ZNF236: variants seen among roughly 807,000 people sequenced by gnomAD.
The protein encoded by ZNF236 is zinc finger protein 236.
ZNF236 carries 50 observed loss-of-function variants against 191.2 expected under a neutral mutation model. The ratio of observed to expected loss-of-function variants is 0.26; its 90% confidence interval spans 0.21 to 0.33. ZNF236 has a LOEUF of 0.33. ZNF236 is among the 10% of genes least tolerant of loss of function. ZNF236 has a pLI of 1.00. For missense variants in ZNF236, 1,754 were observed against 2,374.5 expected, an observed-to-expected ratio of 0.74 and a Z score of 5.43; for synonymous variants, 907 against 928.8, an observed-to-expected ratio of 0.98 and a Z score of 0.43.
chr18:76,899,977 C>T (rs776586171), intron 11 of ZNF236, among the ~76,000 whole-genome samples: 1 of 152,144 alleles, frequency 6.6e-6, no homozygotes, highest in Non-Finnish European at 1.5e-5. Context: ...CTGGCTATGT[C>T]CTCCCAAAGG....
intron 1 of ZNF236, chr18:76,824,358 A>T (rs556883029): frequency 3.6e-5 from 28 of 780,978 alleles, no homozygotes; most frequent in Middle Eastern, 2.2e-4. Context: ...CGCACACCTC[A>T]TGGGCCTTTG....
At chr18:76,953,027 CT>C (rs1299421215) in intron 27 of ZNF236, among the ~76,000 whole-genome samples, 2 of 152,170 alleles carry the variant, frequency 1.3e-5, no homozygotes, top group Non-Finnish European at 2.9e-5. Context: ...GAGCAACAGC[CT>C]TTGCTTTTTA....
chr18:76,859,683 T>C (rs1976157359), intron 3 of ZNF236, among the ~76,000 whole-genome samples: 1 of 152,194 alleles, frequency 6.6e-6, no homozygotes. Context: ...ATCTAGTTTC[T>C]GGGTGTTATT....
In ZNF236 at chr18:76,960,787, A is replaced by G. The variant is rs1968648576; in HGVS notation, c.5351A>G (p.Tyr1784Cys). 1.9e-6 allele frequency: 3 copies of G among 1,614,168 alleles called. No individual in the cohort carries two copies. The highest frequency in any genetic ancestry group is 1.7e-6 in the Non-Finnish European group (2 of 1,180,014). ...GGGGAGCGGCCCTACAAGTGTGCCT[A>G]CTGCGTCATGGGCTTCACGCAGAAG... Reference protein sequence around the residue: ...HTGERPYKCAYCVMGFTQKSN... With the variant: ...HTGERPYKCACCVMGFTQKSN... Residue 1784 changes from tyrosine (Y) to cysteine (C), a missense_variant, in exon 30 of 31, where the codon TAC (tyrosine) becomes TGC (cysteine). Coordinates refer to ENST00000320610, the MANE Select transcript of ZNF236 (RefSeq NM_001306089.2). The surrounding 1 kb of genome is among the most constrained non-coding windows in gnomAD (Gnocchi z 4.4).
chr18:76,857,770 C>T (rs1368321696), intron 3 of ZNF236, among the ~76,000 whole-genome samples: 2 of 152,002 alleles, frequency 1.3e-5, no homozygotes, highest in African/African-American at 4.8e-5. Context: ...TTTGTATGTT[C>T]TTATTTTCTT....
chr18:76,894,119 A>C (rs1201726015), intron 9 of ZNF236, among the ~76,000 whole-genome samples: 1 of 152,236 alleles, frequency 6.6e-6, no homozygotes, highest in African/African-American at 2.4e-5. Context: ...CAGATGAATA[A>C]ATCTAATCAA....
At position 76,851,952 on chromosome 18, in the gene ZNF236, A is replaced by G; in HGVS notation, c.363+13A>G. The G allele has an allele frequency of 6.2e-7, 1 of 1,600,438 alleles. No homozygotes were observed. Among genetic ancestry groups the G allele is most frequent in the Non-Finnish European group, 8.5e-7 (1 of 1,172,932 alleles). On this transcript the variant is annotated intron_variant, in intron 3 of 30. Coordinates refer to ENST00000320610, the MANE Select transcript of ZNF236 (RefSeq NM_001306089.2). ...TGAAAAGGAAGAGGTAATCATCATC[A>G]TTTTGCATATACTTTGTTAACTGAT...
Position 76,915,888 on chromosome 18 carries a change from A to G in ZNF236, c.3274+29A>G, listed in dbSNP as rs140487666. ...TTTTCCATTTGTTGATTCAAGGTGT[A>G]TTAACCCGATGCTAATTTAGGAATA... On this transcript the variant is annotated intron_variant, in intron 19 of 30. Coordinates refer to ENST00000320610, the MANE Select transcript of ZNF236 (RefSeq NM_001306089.2). The G allele has an allele frequency of 3.4e-3, 5,424 of 1,590,980 alleles. 15 individuals are homozygous for G. The highest frequency in any genetic ancestry group is 0.012 in the Middle Eastern group (72 of 6,004).
rs184220923 is a variant in ZNF236, at chr18:76,890,353, A to G, written c.1418-4660A>G. 1.7e-3 allele frequency among the ~76,000 whole-genome samples: 261 copies of G among 152,356 alleles called. 1 individual carries two copies. The highest frequency in any genetic ancestry group is 6.0e-3 in the African/African-American group (251 of 41,590). On this transcript the variant is annotated intron_variant, in intron 9 of 30. Coordinates refer to ENST00000320610, the MANE Select transcript of ZNF236 (RefSeq NM_001306089.2). ...ACATAATCATAGTAAAGTCATCAAT[A>G]TCAGGAAATTAAAATTGACCCAGTA...
At chr18:76,924,325 GGTTTTGGA>G (rs1453908960) in intron 21 of ZNF236, among the ~76,000 whole-genome samples, 1 of 152,184 alleles carries the variant, frequency 6.6e-6, no homozygotes, top group African/African-American at 2.4e-5. Context: ...TCATTTCCTT[GGTTTTGGA>G]GTTCAGCGTA....
intron 1 of ZNF236, among the ~76,000 whole-genome samples, chr18:76,842,043 T>C (rs1975522413): frequency 2.6e-5 from 4 of 151,776 alleles, no homozygotes; most frequent in Admixed American, 2.6e-4. Context: ...TTAAGAGGAG[T>C]GGAAGCAAAA....
chr18:76,901,462 C>T (rs186430940), intron 11 of ZNF236, among the ~76,000 whole-genome samples: 6 of 152,268 alleles, frequency 3.9e-5, no homozygotes, highest in Non-Finnish European at 7.4e-5. Context: ...ATCATCTTCT[C>T]CAAAACACCA....
Position 76,968,808 on chromosome 18 carries a change from A to C in ZNF236, c.*469A>C. 3 of 987,788 alleles carry C rather than the reference A, an allele frequency of 3.0e-6. No individual in the cohort carries two copies. The highest frequency in any genetic ancestry group is 3.6e-6 in the Non-Finnish European group (3 of 831,630). The allele number at this position is 987,788 out of a possible 1,614,324, so 61.2% of individuals were successfully genotyped here. ...CAGAAAAAAAAGTGTTACAACACAC[A>C]GGGAAGTTTTTTCCACTCTTTTCTC... is the stretch of plus-strand genomic sequence containing the variant. On this transcript the variant is annotated 3_prime_UTR_variant, in exon 31 of 31. Transcript: ENST00000320610.
chr18:76,910,364 A>G (rs1431693795), intron 15 of ZNF236, among the ~76,000 whole-genome samples, 195 bp downstream of exon 15: 1 of 152,160 alleles, frequency 6.6e-6, no homozygotes, highest in Non-Finnish European at 1.5e-5. Flanking sequence ...TCTTCTGGAA[A>G]GTGACCTTTG....
chr18:76,843,803 A>AAAAAAAAAAAAAAAAAAAAG lies in ZNF236; in HGVS notation c.56-5721_56-5720insAAAAAAAAAAAAAAAAAGAA, dbSNP rs71172383. ...AAAAAAAAAAAAAAAAAAAAAAAAA[A>AAAAAAAAAAAAAAAAAAAAG]AAGTAAAGAAGAGACCGGGCGCAGT... On this transcript the variant is annotated intron_variant, in intron 1 of 30. Transcript: ENST00000320610. Among the ~76,000 whole-genome samples the AAAAAAAAAAAAAAAAAAAAG allele has an allele frequency of 3.6e-3, 225 of 62,086 alleles. 82 individuals are homozygous for AAAAAAAAAAAAAAAAAAAAG. The highest frequency in any genetic ancestry group is 4.4e-3 in the Non-Finnish European group (155 of 35,426). The allele number at this position is 62,086 out of a possible 152,430, so 40.7% of individuals were successfully genotyped here.
At chr18:76,892,422 A>G (rs901347398) in intron 9 of ZNF236, among the ~76,000 whole-genome samples, 1 of 151,566 alleles carries the variant, frequency 6.6e-6, no homozygotes, top group African/African-American at 2.4e-5. Context: ...ATATTTTTCT[A>G]TTAAGTTGAA....
chr18:76,924,115 T>C (rs576369313), intron 21 of ZNF236, among the ~76,000 whole-genome samples: 6 of 152,192 alleles, frequency 3.9e-5, no homozygotes, highest in Non-Finnish European at 7.3e-5. Context: ...CCTGAGCTTG[T>C]TTATATGACT....
intron 25 of ZNF236, among the ~76,000 whole-genome samples, chr18:76,932,791 G>A (rs1288642117): frequency 6.6e-6 from 1 of 152,224 alleles, no homozygotes; most frequent in African/African-American, 2.4e-5. Context: ...GTGCCTCTTG[G>A]TGATCCTGGA....
chr18:76,843,226 T>A (rs934433188), intron 1 of ZNF236, among the ~76,000 whole-genome samples: 2 of 151,812 alleles, frequency 1.3e-5, no homozygotes, highest in Admixed American at 1.3e-4. Context: ...AATGTGGGAA[T>A]CAGATAAACT....
Sources: gnomAD v4.1 joint callset for allele counts (sites outside exome capture counted in the v4.1 genomes callset) on GRCh38, gnomAD v4.1.1 for gene constraint, Gnocchi (gnomAD v3.1) non-coding constraint, MANE v1.5 for transcripts, NCBI Gene and HGNC (gene_info 2026-07-23, HGNC 2026-07-21) for gene names.